EXOC6B: variants seen among roughly 807,000 people sequenced by gnomAD.
EXOC6B encodes the protein SEC15 homolog B.
EXOC6B carries 54 observed loss-of-function variants against 113.5 expected under a neutral mutation model. The observed-to-expected ratio is 0.48, with a 90% confidence interval of 0.38 to 0.60. The LOEUF is 0.60. Ranked by LOEUF, EXOC6B falls within the 20% of genes least tolerant of loss-of-function variation. EXOC6B has a pLI of 0.00. For missense variants in EXOC6B, 797 were observed against 977.5 expected, an observed-to-expected ratio of 0.82 and a Z score of 2.46; for synonymous variants, 357 against 339.0, an observed-to-expected ratio of 1.05 and a Z score of -0.58.
At chr2:72,333,709 A>G (rs915094413) in intron 20 of EXOC6B, among the ~76,000 whole-genome samples, 3 of 152,038 alleles carry the variant, frequency 2.0e-5, no homozygotes, top group African/African-American at 7.2e-5. Flanking sequence ...TTGGCCCCCA[A>G]ATATTAAGTT....
rs888545594 is a variant in EXOC6B at position 72,492,323 on chromosome 2, T to C, written c.1660A>G (p.Thr554Ala). ...TTCATTAGGAGCAGGTTTACCTCAG[T>C]AAGCCCAATATTCTTCCTTTTAATT... Reference protein sequence around the residue: ...NVIKRKNIGLTELVQIIINTT... With the variant: ...NVIKRKNIGLAELVQIIINTT... Residue 554 changes from threonine (T) to alanine (A), a missense_variant, in exon 16 of 22, where the codon ACT becomes GCT. By Grantham distance (58) the Thr-to-Ala change is moderately conservative (BLOSUM62 0). Coordinates refer to ENST00000272427, the MANE Select transcript of EXOC6B (RefSeq NM_015189.3). The C allele has an allele frequency of 1.9e-6, 3 of 1,607,492 alleles. No homozygotes were observed. In the African/African-American group the frequency reaches 4.0e-5, roughly 21 times the overall value.
rs978449827 is a variant in EXOC6B at position 72,826,004 on chromosome 2, G to T, written c.-94C>A. 1.3e-6 allele frequency: 2 copies of T among 1,505,968 alleles called. No individual in the cohort carries two copies. Among genetic ancestry groups the T allele is most frequent in the African/African-American group, 1.4e-5 (1 of 72,448 alleles). The allele number at this position is 1,505,968 out of a possible 1,614,324, so 93.3% of individuals were successfully genotyped here. A position where few individuals can be genotyped will look rare whatever the true frequency, so the allele number is the denominator to read the frequency against. On this transcript the variant is annotated 5_prime_UTR_variant, in exon 1 of 22. Transcript: ENST00000272427. ...CGCTCCCACCACAGGCTCCACAGCC[G>T]CCCCAGCCTCTGGCTACCCGCAGGC...
chr2:72,391,286 A>T (rs1310584131), intron 18 of EXOC6B, among the ~76,000 whole-genome samples: 2 of 149,482 alleles, frequency 1.3e-5, no homozygotes, highest in Non-Finnish European at 3.0e-5. Context: ...GGCTACCTCA[A>T]CATTTTTTGA....
chr2:72,219,550 T>C (rs60872571), intron 20 of EXOC6B, among the ~76,000 whole-genome samples: 21,768 of 152,056 alleles, frequency 0.14, 2,074 homozygotes, highest in African/African-American at 0.27. Flanking sequence ...CCTCACTCTT[T>C]AAATATTTAG....
intron 1 of EXOC6B, among the ~76,000 whole-genome samples, chr2:72,793,739 C>T (rs994459562): frequency 2.6e-5 from 4 of 152,052 alleles, no homozygotes; most frequent in Non-Finnish European, 5.9e-5. Flanking sequence ...ACAGGAAAAA[C>T]GATTAAAGGG....
intron 20 of EXOC6B, among the ~76,000 whole-genome samples, chr2:72,213,478 G>A (rs1680323927): frequency 6.6e-6 from 1 of 152,194 alleles, no homozygotes; most frequent in Non-Finnish European, 1.5e-5. Flanking sequence ...GAGGCAATCT[G>A]TGGTATCAAC....
chr2:72,490,404 A>G (rs189964256), intron 16 of EXOC6B, among the ~76,000 whole-genome samples: 1 of 152,272 alleles, frequency 6.6e-6, no homozygotes, highest in East Asian at 1.9e-4. Context: ...GAAGAATATA[A>G]ACTGCTCCAC....
At chr2:72,439,120 A>G (rs1696046736) in intron 18 of EXOC6B, among the ~76,000 whole-genome samples, 1 of 152,178 alleles carries the variant, frequency 6.6e-6, no homozygotes, top group South Asian at 2.1e-4. Context: ...AATTCTGCCA[A>G]TCTCACAGGA....
intron 20 of EXOC6B, among the ~76,000 whole-genome samples, chr2:72,202,880 G>A (rs375602150): frequency 1.3e-4 from 20 of 152,098 alleles, no homozygotes; most frequent in African/African-American, 4.8e-4. Flanking sequence ...GCACTGAGCC[G>A]GGGACAGAGG....
chr2:72,669,859 C>A (rs1356963183), intron 6 of EXOC6B, among the ~76,000 whole-genome samples: 1 of 152,206 alleles, frequency 6.6e-6, no homozygotes, highest in Non-Finnish European at 1.5e-5. Context: ...TCTCAACTAT[C>A]TGATGTCCCT....
At chr2:72,387,021 T>G (rs1692068748) in intron 18 of EXOC6B, among the ~76,000 whole-genome samples, 1 of 152,170 alleles carries the variant, frequency 6.6e-6, no homozygotes, top group African/African-American at 2.4e-5. Flanking sequence ...TATAGATTTC[T>G]TATAGATATC....
chr2:72,576,382 T>C (rs1470992532), intron 6 of EXOC6B, among the ~76,000 whole-genome samples: 1 of 152,046 alleles, frequency 6.6e-6, no homozygotes, highest in East Asian at 1.9e-4. Context: ...ATGGTTTCAA[T>C]AGATACAGAG....
chr2:72,318,544 C>A (rs1687660504), intron 20 of EXOC6B, among the ~76,000 whole-genome samples: 2 of 152,048 alleles, frequency 1.3e-5, no homozygotes, highest in Non-Finnish European at 2.9e-5. Context: ...CAGGTGCATA[C>A]CACATGCCCG....
intron 11 of EXOC6B, among the ~76,000 whole-genome samples, chr2:72,509,610 A>C (rs1700787995): frequency 6.6e-6 from 1 of 152,092 alleles, no homozygotes; most frequent in South Asian, 2.1e-4. Context: ...AGAAAAGGTA[A>C]GAGACATTAA....
In EXOC6B at chr2:72,344,722, C is replaced by T. The variant is rs143580323; in HGVS notation, c.2123-9702G>A. ...GCAGATGCCTTTCTCTGGACCTCTA[C>T]GGTTAGTTTCTAATTTTCTCCAATT... is the stretch of plus-strand genomic sequence containing the variant. On this transcript the variant is annotated intron_variant, in intron 19 of 21. Transcript: ENST00000272427. Among the ~76,000 whole-genome samples the T allele has an allele frequency of 1.7e-3, 252 of 151,984 alleles. 2 individuals are homozygous for T. Among genetic ancestry groups the T allele is most frequent in the African/African-American group, 5.4e-3 (224 of 41,448 alleles).
chr2:72,409,431 G>A (rs895804079), intron 18 of EXOC6B, among the ~76,000 whole-genome samples: 8 of 152,030 alleles, frequency 5.3e-5, no homozygotes, highest in African/African-American at 9.7e-5. Flanking sequence ...TGTTTATTGC[G>A]GTACTATTCA....
chr2:72,666,381 C>A (rs906949709), intron 6 of EXOC6B, among the ~76,000 whole-genome samples: 1 of 152,082 alleles, frequency 6.6e-6, no homozygotes, highest in Non-Finnish European at 1.5e-5. Flanking sequence ...CTAAGATCAA[C>A]CACATGCTTG....
At chr2:72,682,803 G>A (rs901518007) in intron 6 of EXOC6B, among the ~76,000 whole-genome samples, 1 of 152,216 alleles carries the variant, frequency 6.6e-6, no homozygotes, top group Admixed American at 6.5e-5. Context: ...CTATTCCATG[G>A]TATTATCTTA....
chr2:72,603,517 G>A (rs1670558751), intron 6 of EXOC6B, among the ~76,000 whole-genome samples: 1 of 152,052 alleles, frequency 6.6e-6, no homozygotes, highest in Admixed American at 6.6e-5. Context: ...AAGCAGGAGG[G>A]AACAGAGCAA....
Sources: allele counts gnomAD v4.1 joint callset (sites outside exome capture counted in the v4.1 genomes callset), GRCh38; gene constraint gnomAD v4.1.1; transcripts MANE v1.5; gene names NCBI Gene and HGNC (gene_info 2026-07-23, HGNC 2026-07-21).